KAZN: variants seen among roughly 807,000 people sequenced by gnomAD.
KAZN encodes kazrin, periplakin interacting protein.
Under a neutral mutation model 87.4 loss-of-function variants are expected in KAZN, and 40 were observed. That is an observed-to-expected ratio of 0.46 (90% CI 0.36 to 0.60). The LOEUF is 0.60. Among genes scored for constraint, KAZN ranks in the 20% least tolerant of loss-of-function variants. The probability of loss-of-function intolerance (pLI) is 0.00; values close to 1 mark genes in which losing one functional copy is unlikely to be tolerated. For synonymous variants in KAZN, 466 were observed against 458.3 expected, an observed-to-expected ratio of 1.02 and a Z score of -0.22; for missense variants, 898 against 1,073.9, an observed-to-expected ratio of 0.84 and a Z score of 2.29.
intron 1 of KAZN, among the ~76,000 whole-genome samples, chr1:14,165,269 T>G (rs1645801653): frequency 6.6e-6 from 1 of 152,106 alleles, no homozygotes; most frequent in African/African-American, 2.4e-5. Context: ...AGGTCAGATA[T>G]GGGGCAGCAG....
intron 1 of KAZN, among the ~76,000 whole-genome samples, chr1:14,099,254 G>A (rs80283436): frequency 6.6e-6 from 1 of 152,100 alleles, no homozygotes; most frequent in Non-Finnish European, 1.5e-5. Flanking sequence ...GGGACAGGGT[G>A]GGGGAAGAAT....
At chr1:14,726,113 G>A (rs190638297) in intron 1 of KAZN, among the ~76,000 whole-genome samples, 1 of 152,346 alleles carries the variant, frequency 6.6e-6, no homozygotes, top group East Asian at 1.9e-4. Context: ...ATCTGGCACT[G>A]GCTCTGTGAA....
chr1:14,282,510 C>T (rs1388045624), intron 2 of KAZN, among the ~76,000 whole-genome samples: 3 of 152,178 alleles, frequency 2.0e-5, no homozygotes, highest in African/African-American at 7.2e-5. Context: ...TCTGGGGATT[C>T]GGGGCCAATG....
chr1:14,124,763 C>T (rs1644826516), intron 1 of KAZN, among the ~76,000 whole-genome samples: 1 of 152,186 alleles, frequency 6.6e-6, no homozygotes, highest in Admixed American at 6.5e-5. Context: ...CTCACCTGTT[C>T]ATTCATTCAT....
chr1:13,923,369 T>A lies in KAZN; in HGVS notation c.91+29613T>A, dbSNP rs113728572. 3.7e-3 allele frequency among the ~76,000 whole-genome samples: 564 copies of A among 151,786 alleles called. 3 individuals are homozygous for A. The highest frequency in any genetic ancestry group is 6.4e-3 in the Admixed American group (97 of 15,238). On this transcript the variant is annotated intron_variant, in intron 1 of 16. Coordinates refer to the KAZN transcript ENST00000636203. ...TGGGCAGATCACGAGGTCAGGAGAT[T>A]GAGACCATCCTGGCTAACATGGTGA...
intron 2 of KAZN, among the ~76,000 whole-genome samples, chr1:14,292,918 G>T (rs1653827494): frequency 6.6e-6 from 1 of 152,180 alleles, no homozygotes; most frequent in East Asian, 1.9e-4. Context: ...AAGGCCAGAG[G>T]AATACCACAG....
chr1:14,257,782 G>A (rs1418356438), intron 2 of KAZN, among the ~76,000 whole-genome samples: 2 of 121,816 alleles, frequency 1.6e-5, no homozygotes, highest in Admixed American at 1.8e-4. Context: ...ATCACACTCT[G>A]GGGACTGTGG....
chr1:15,028,942 C>G (rs61772184), intron 2 of KAZN, among the ~76,000 whole-genome samples: 19,904 of 152,184 alleles, frequency 0.13, 1,641 homozygotes, highest in Admixed American at 0.21. Flanking sequence ...TGCTGTAAGG[C>G]ATCCCCGGCT....
At chr1:14,610,230 C>T (rs1677708072) in intron 1 of KAZN, among the ~76,000 whole-genome samples, 1 of 151,392 alleles carries the variant, frequency 6.6e-6, no homozygotes, top group Non-Finnish European at 1.5e-5. Flanking sequence ...TTGTTTGAGA[C>T]AGAGTCTCAT....
intron 1 of KAZN, among the ~76,000 whole-genome samples, chr1:14,685,313 C>G (rs1227113469): frequency 6.6e-6 from 1 of 152,156 alleles, no homozygotes; most frequent in Non-Finnish European, 1.5e-5. Context: ...TATTTATACA[C>G]CAATTCCCAT....
chr1:14,924,635 C>T (rs1658954310), intron 1 of KAZN: 1 of 935,698 alleles, frequency 1.1e-6, no homozygotes, highest in Non-Finnish European at 1.3e-6. Flanking sequence ...GCCGCCGGGG[C>T]CGGGCGCGCG....
intron 1 of KAZN, among the ~76,000 whole-genome samples, chr1:14,129,081 T>C (rs548635829): frequency 2.9e-4 from 44 of 152,320 alleles, no homozygotes; most frequent in Non-Finnish European, 4.4e-4. Flanking sequence ...AAGGCACTGA[T>C]TTTTCTTTGT....
At chr1:14,226,797 C>G (rs550273203) in intron 2 of KAZN, among the ~76,000 whole-genome samples, 117 of 152,218 alleles carry the variant, frequency 7.7e-4, no homozygotes, top group African/African-American at 2.6e-3. Flanking sequence ...AATGCAGGAA[C>G]AGAAAACCAA....
At chr1:14,524,146 C>A (rs765541606) in intron 2 of KAZN, among the ~76,000 whole-genome samples, 1 of 151,976 alleles carries the variant, frequency 6.6e-6, no homozygotes, top group African/African-American at 2.4e-5. Flanking sequence ...TTCAGCCTCC[C>A]GAGTAGCTGG....
intron 1 of KAZN, among the ~76,000 whole-genome samples, chr1:14,801,692 G>T (rs1264476462): frequency 6.8e-6 from 1 of 146,766 alleles, no homozygotes; most frequent in African/African-American, 2.5e-5. Flanking sequence ...TTGTTTTTTT[G>T]TTTTTTTTTT....
intron 2 of KAZN, among the ~76,000 whole-genome samples, chr1:14,961,498 C>T (rs2101780096): frequency 6.6e-6 from 1 of 152,298 alleles, no homozygotes; most frequent in South Asian, 2.1e-4. Flanking sequence ...CCACATCCCT[C>T]TCTCCCGGGA....
intron 2 of KAZN, among the ~76,000 whole-genome samples, chr1:14,314,943 A>G (rs2100822053): frequency 6.6e-6 from 1 of 152,246 alleles, no homozygotes; most frequent in African/African-American, 2.4e-5. Flanking sequence ...GGCCTTTTGC[A>G]TCTGGCTTTT....
Position 14,184,425 on chromosome 1 carries a change from T to TTGTC in KAZN, c.249+3839_249+3842dup, listed in dbSNP as rs1320340711. Among the ~76,000 whole-genome samples the TTGTC allele has an allele frequency of 6.6e-6, 1 of 152,154 alleles. No individual in the cohort carries two copies. Among genetic ancestry groups the TTGTC allele is most frequent in the Non-Finnish European group, 1.5e-5 (1 of 68,028 alleles). On this transcript the variant is annotated intron_variant, in intron 2 of 16. Transcript: ENST00000636203. The surrounding 1 kb of genome is among the most constrained non-coding windows in gnomAD (Gnocchi z 4.2). ...CTTCCTTCCCTTTCCTGTTCTTTCC[T>TTGTC]TGTCTGTCTTTCTTTCTGTTATTTG...
intron 2 of KAZN, among the ~76,000 whole-genome samples, chr1:14,217,117 C>T (rs559169226): frequency 5.5e-4 from 84 of 152,196 alleles, no homozygotes; most frequent in African/African-American, 1.9e-3. Flanking sequence ...CCTCCTTTCC[C>T]TCTCTCTTTG....
Sources: allele counts gnomAD v4.1 joint callset (sites outside exome capture counted in the v4.1 genomes callset), GRCh38; gene constraint gnomAD v4.1.1; non-coding constraint Gnocchi (gnomAD v3.1); transcripts MANE v1.5; gene names NCBI Gene and HGNC (gene_info 2026-07-23, HGNC 2026-07-21).